Variants in GRIA4 observed in about 807,000 individuals in gnomAD.
GRIA4 encodes the protein glutamate ionotropic receptor AMPA type subunit 4.
GRIA4 carries 34 observed loss-of-function variants against 104.0 expected under a neutral mutation model. The ratio of observed to expected loss-of-function variants is 0.33; its 90% CI spans 0.25 to 0.44. The LOEUF (loss-of-function observed/expected upper bound fraction) is 0.44, where lower values mean the gene tolerates loss of function less well. GRIA4 is among the 20% of genes least tolerant of loss of function. GRIA4 has a pLI of 1.00. For synonymous variants in GRIA4, 386 were observed against 381.9 expected (o/e 1.01, Z -0.13); for missense variants, 750 against 1,096.5 (o/e 0.68, Z 4.46).
intron 4 of GRIA4, among the ~76,000 whole-genome samples, chr11:105,756,432 T>C (rs1284848367): frequency 6.6e-6 from 1 of 152,162 alleles, no homozygotes; most frequent in Non-Finnish European, 1.5e-5. Context: ...AAATGTACCA[T>C]TGATTTGACT....
At chr11:105,649,412 T>C (rs935333518) in intron 3 of GRIA4, among the ~76,000 whole-genome samples, 37 of 152,188 alleles carry the variant, frequency 2.4e-4, no homozygotes, top group African/African-American at 8.0e-4. Flanking sequence ...GATTATTTCA[T>C]CCAATTCTTG....
intron 4 of GRIA4, among the ~76,000 whole-genome samples, chr11:105,802,587 TACTC>T (rs1190758686): frequency 1.3e-5 from 2 of 152,090 alleles, no homozygotes; most frequent in Non-Finnish European, 2.9e-5. Context: ...TTTTCTCACT[TACTC>T]AGCAATTTAG....
intron 3 of GRIA4, among the ~76,000 whole-genome samples, chr11:105,642,917 T>C (rs889418092): frequency 5.9e-5 from 9 of 152,142 alleles, no homozygotes; most frequent in Non-Finnish European, 1.2e-4. Flanking sequence ...TGACTCACAG[T>C]TCAACATGGC....
At chr11:105,690,453 T>A (rs551718624) in intron 3 of GRIA4, among the ~76,000 whole-genome samples, 1 of 152,204 alleles carries the variant, frequency 6.6e-6, no homozygotes, top group Non-Finnish European at 1.5e-5. Flanking sequence ...TTTTAATTAG[T>A]AATCAGTCAC....
chr11:105,893,748 T>G (rs1324759176), intron 6 of GRIA4, among the ~76,000 whole-genome samples: 1 of 152,144 alleles, frequency 6.6e-6, no homozygotes, highest in Non-Finnish European at 1.5e-5. Context: ...TGAAAGAAAA[T>G]AATAATGTCA....
intron 3 of GRIA4, among the ~76,000 whole-genome samples, chr11:105,712,792 T>A (rs1953957787): frequency 6.6e-6 from 1 of 152,050 alleles, no homozygotes; most frequent in Admixed American, 6.6e-5. Context: ...TAAAAGTACA[T>A]TTGGCCTTAG....
intron 11 of GRIA4, among the ~76,000 whole-genome samples, chr11:105,923,351 G>A (rs560456957): frequency 2.4e-4 from 36 of 152,222 alleles, no homozygotes; most frequent in Admixed American, 6.6e-4. Context: ...TGATTTTAGA[G>A]GTGGTGGTGA....
intron 3 of GRIA4, among the ~76,000 whole-genome samples, chr11:105,655,043 T>C (rs1472345617): frequency 6.6e-6 from 1 of 152,170 alleles, no homozygotes; most frequent in Non-Finnish European, 1.5e-5. Flanking sequence ...AGGAAAACCT[T>C]GTAGAGACCC....
intron 14 of GRIA4, among the ~76,000 whole-genome samples, chr11:105,943,841 A>G (rs973562054): frequency 2.0e-5 from 3 of 152,076 alleles, no homozygotes; most frequent in African/African-American, 7.2e-5. Flanking sequence ...CCATCTCTGC[A>G]GGTATTTGTT....
intron 3 of GRIA4, among the ~76,000 whole-genome samples, chr11:105,675,854 T>C (rs566538079): frequency 1.3e-5 from 2 of 152,002 alleles, no homozygotes; most frequent in Admixed American, 6.6e-5. Context: ...ACTTCAGTTA[T>C]TCAGTTTAAA....
At chr11:105,827,407 C>T (rs745570169) in intron 4 of GRIA4, among the ~76,000 whole-genome samples, 84 of 151,648 alleles carry the variant, frequency 5.5e-4, no homozygotes, top group Non-Finnish European at 9.7e-4. Context: ...AGAAAAAAAA[C>T]AGTAAATTGA....
At chr11:105,662,519 C>T (rs1300939537) in intron 3 of GRIA4, among the ~76,000 whole-genome samples, 2 of 151,592 alleles carry the variant, frequency 1.3e-5, no homozygotes, top group Non-Finnish European at 2.9e-5. Flanking sequence ...GTGGAGAGTT[C>T]AAGTTAGAGA....
intron 3 of GRIA4, among the ~76,000 whole-genome samples, chr11:105,623,350 CT>C (rs1446721672): frequency 1.3e-5 from 2 of 151,914 alleles, no homozygotes; most frequent in African/African-American, 2.4e-5. Context: ...CCTGCTTCTG[CT>C]TTTTACCTTT....
At chr11:105,686,934 T>C (rs1797021965) in intron 3 of GRIA4, among the ~76,000 whole-genome samples, 1 of 152,206 alleles carries the variant, frequency 6.6e-6, no homozygotes, top group African/African-American at 2.4e-5. Context: ...TATTGATTTG[T>C]TGAAGTTCCT....
chr11:105,842,232 G>GTA (rs1319247579), intron 4 of GRIA4, among the ~76,000 whole-genome samples: 2 of 152,146 alleles, frequency 1.3e-5, no homozygotes, highest in African/African-American at 4.8e-5. Flanking sequence ...GACAGGCGAA[G>GTA]GGTGTCCAAG....
At chr11:105,888,914 A>G (rs545850703) in intron 6 of GRIA4, among the ~76,000 whole-genome samples, 2 of 152,304 alleles carry the variant, frequency 1.3e-5, no homozygotes, top group African/African-American at 2.4e-5. Context: ...CTGTTTTAGT[A>G]GAGTGTTTCA....
chr11:105,644,879 G>A (rs146873041), intron 3 of GRIA4, among the ~76,000 whole-genome samples: 202 of 152,188 alleles, frequency 1.3e-3, no homozygotes, highest in African/African-American at 4.5e-3. Flanking sequence ...CTCCTGAATC[G>A]ATAGGAAGGA....
chr11:105,675,233 C>A (rs1293546643), intron 3 of GRIA4, among the ~76,000 whole-genome samples: 1 of 151,734 alleles, frequency 6.6e-6, no homozygotes, highest in Admixed American at 6.6e-5. Flanking sequence ...CGTGCTGGTA[C>A]TATCTTCGTA....
At chr11:105,887,363 A>G (rs1946301441) in intron 5 of GRIA4, among the ~76,000 whole-genome samples, 156 bp from the exon 6 acceptor site, 1 of 152,124 alleles carries the variant, frequency 6.6e-6, no homozygotes, top group Non-Finnish European at 1.5e-5. Flanking sequence ...TGGCTTATCA[A>G]TTCTTCTAAC....
Sources: allele counts gnomAD v4.1 joint callset (sites outside exome capture counted in the v4.1 genomes callset), GRCh38; gene constraint gnomAD v4.1.1; transcripts MANE v1.5; gene names NCBI Gene and HGNC (gene_info 2026-07-23, HGNC 2026-07-21).